Variants in DLG2 observed in about 807,000 individuals in gnomAD.
DLG2 encodes disks large homolog 2.
In DLG2, 45 loss-of-function variants were observed where a neutral mutation model predicts 132.5. The ratio of observed to expected loss-of-function variants is 0.34; its 90% confidence interval spans 0.27 to 0.44. The LOEUF (loss-of-function observed/expected upper bound fraction) is 0.44, where lower values mean the gene tolerates loss of function less well. Among genes scored for constraint, DLG2 ranks in the 20% least tolerant of loss-of-function variants. The probability of loss-of-function intolerance (pLI) is 1.00; values close to 1 mark genes in which losing one functional copy is unlikely to be tolerated. For missense variants in DLG2, 1,045 were observed against 1,196.9 expected (o/e 0.87, Z 1.87); for synonymous variants, 424 against 419.6 (o/e 1.01, Z -0.13).
chr11:84,123,216 A>T (rs1221001921), intron 9 of DLG2, among the ~76,000 whole-genome samples: 1 of 152,186 alleles, frequency 6.6e-6, no homozygotes, highest in Non-Finnish European at 1.5e-5. Flanking sequence ...TACTTCATAG[A>T]GTTGTTGTGA....
chr11:84,531,881 C>G (rs1232705513), intron 7 of DLG2, among the ~76,000 whole-genome samples: 1 of 150,732 alleles, frequency 6.6e-6, no homozygotes, highest in Admixed American at 6.6e-5. Flanking sequence ...TCCTGGAAGG[C>G]AAAGGATAAA....
chr11:84,466,812 C>T (rs746628584), intron 7 of DLG2, among the ~76,000 whole-genome samples: 33 of 151,094 alleles, frequency 2.2e-4, no homozygotes, highest in Non-Finnish European at 4.4e-4. Context: ...TACAAAACAG[C>T]GTATCCACAA....
At chr11:83,542,303 C>T (rs1242301785) in intron 19 of DLG2, among the ~76,000 whole-genome samples, 2 of 152,022 alleles carry the variant, frequency 1.3e-5, no homozygotes, top group East Asian at 3.9e-4. Context: ...GATGTATCAG[C>T]CTGTAGAACT....
chr11:84,453,858 G>C (rs2099058188), intron 7 of DLG2, among the ~76,000 whole-genome samples: 1 of 151,626 alleles, frequency 6.6e-6, no homozygotes, highest in Admixed American at 6.6e-5. Flanking sequence ...GTTTTCCTTG[G>C]AGGAGGGTCT....
At chr11:85,468,271 T>C (rs533634714) in intron 3 of DLG2, among the ~76,000 whole-genome samples, 85 of 152,306 alleles carry the variant, frequency 5.6e-4, no homozygotes, top group Non-Finnish European at 9.7e-4. Flanking sequence ...AGCTCCTGGA[T>C]TCATTGATTT....
chr11:84,537,515 C>T lies in DLG2; in HGVS notation c.358-2784G>A, dbSNP rs541924554. Among the ~76,000 whole-genome samples, 4 of 152,276 alleles carry T rather than the reference C, an allele frequency of 2.6e-5. No individual in the cohort carries two copies. The South Asian group carries it at 8.3e-4, about 32-fold the overall frequency. ...CTTTTAAAATTTGTGGTAAAATACACATAAAATTTTGACCATTTTAACCAT... is the reference window on the plus strand; with the variant it reads ...CTTTTAAAATTTGTGGTAAAATACATATAAAATTTTGACCATTTTAACCAT... On this transcript the variant is annotated intron_variant, in intron 6 of 27. Transcript: ENST00000376104.
At chr11:83,808,205 G>A (rs1040028703) in intron 17 of DLG2, among the ~76,000 whole-genome samples, 1 of 152,166 alleles carries the variant, frequency 6.6e-6, no homozygotes, top group Non-Finnish European at 1.5e-5. Context: ...GGTCAGTGCA[G>A]GGACCAGCTT....
intron 8 of DLG2, among the ~76,000 whole-genome samples, chr11:84,247,644 C>A (rs189342269): frequency 6.6e-6 from 1 of 152,208 alleles, no homozygotes; most frequent in Admixed American, 6.5e-5. Flanking sequence ...ACCTCAGTGA[C>A]CCCTTCATTA....
At chr11:85,080,809 T>A (rs2067139181) in intron 6 of DLG2, among the ~76,000 whole-genome samples, 1 of 152,140 alleles carries the variant, frequency 6.6e-6, no homozygotes, top group African/African-American at 2.4e-5. Context: ...GTTTACTGTA[T>A]CTTAGTTGGA....
At chr11:84,807,311 T>C (rs1304400917) in intron 6 of DLG2, among the ~76,000 whole-genome samples, 4 of 151,968 alleles carry the variant, frequency 2.6e-5, no homozygotes, top group Non-Finnish European at 4.4e-5. Context: ...TCAGGCATGG[T>C]GGTGGGTGCC....
chr11:84,247,668 T>C (rs1054153207), intron 8 of DLG2, among the ~76,000 whole-genome samples: 16 of 152,284 alleles, frequency 1.1e-4, no homozygotes, highest in African/African-American at 3.4e-4. Flanking sequence ...CAAGCTCTAA[T>C]GTCTCTTAAC....
At chr11:84,035,716 AAG>A (rs1481853708) in intron 11 of DLG2, among the ~76,000 whole-genome samples, 1 of 151,940 alleles carries the variant, frequency 6.6e-6, no homozygotes, top group Non-Finnish European at 1.5e-5. Flanking sequence ...AATATTACTC[AAG>A]CTGTTGTGTG....
chr11:84,330,362 G>A lies in DLG2; in HGVS notation c.520-79071C>T, dbSNP rs1600015120. ...ATCACCAACATATCTACAGTATATT[G>A]ACTACTTACAAAGTGTCTCAAGCAT... On this transcript the variant is annotated intron_variant, in intron 7 of 27. Transcript: ENST00000376104. Among the ~76,000 whole-genome samples, 3 of 152,110 alleles carry A rather than the reference G, an allele frequency of 2.0e-5. No homozygotes were observed. In the South Asian group the frequency reaches 6.2e-4, roughly 32 times the overall value.
chr11:84,810,662 T>C (rs947522845), intron 6 of DLG2, among the ~76,000 whole-genome samples: 3 of 152,276 alleles, frequency 2.0e-5, no homozygotes, highest in Middle Eastern at 3.4e-3. Flanking sequence ...AATAGTTTTA[T>C]TCACAATAGC....
intron 3 of DLG2, among the ~76,000 whole-genome samples, chr11:85,508,716 G>T (rs2093990921): frequency 6.6e-6 from 1 of 151,882 alleles, no homozygotes; most frequent in African/African-American, 2.4e-5. Context: ...AACAGTAGAG[G>T]GTAAAAGTAT....
At chr11:83,791,721 C>T in intron 17 of DLG2, 2 of 223,484 alleles carry the variant, frequency 8.9e-6, no homozygotes, top group East Asian at 1.4e-4. Context: ...ATCGCTTGAG[C>T]CCAGGAGCTC....
chr11:85,464,910 T>G (rs1455489095), intron 3 of DLG2, among the ~76,000 whole-genome samples: 1 of 150,460 alleles, frequency 6.6e-6, no homozygotes, highest in Non-Finnish European at 1.5e-5. Context: ...CCGTCTCTAC[T>G]AAAAATACAA....
intron 6 of DLG2, among the ~76,000 whole-genome samples, chr11:85,062,200 A>T (rs567583210): frequency 1.4e-4 from 21 of 151,848 alleles, no homozygotes; most frequent in Non-Finnish European, 2.8e-4. Flanking sequence ...TCAGAAAAAA[A>T]GGAGGCTCTT....
chr11:83,756,730 A>G (rs1299109284), intron 18 of DLG2, among the ~76,000 whole-genome samples: 1 of 151,514 alleles, frequency 6.6e-6, no homozygotes, highest in Admixed American at 6.6e-5. Context: ...AAAAATATAT[A>G]AACAAATAGA....
Sources: gnomAD v4.1 joint callset for allele counts (sites outside exome capture counted in the v4.1 genomes callset) on GRCh38, gnomAD v4.1.1 for gene constraint, MANE v1.5 for transcripts, NCBI Gene and HGNC (gene_info 2026-07-23, HGNC 2026-07-21) for gene names.